The following DAAM1 variants were observed in gnomAD, a reference collection of about 807,000 sequenced individuals.
The protein encoded by DAAM1 is disheveled-associated activator of morphogenesis 1.
DAAM1 carries 52 observed loss-of-function variants against 130.0 expected under a neutral mutation model. The ratio of observed to expected loss-of-function variants is 0.40; its 90% CI spans 0.32 to 0.50. The LOEUF (loss-of-function observed/expected upper bound fraction) is 0.50. Ranked by LOEUF, DAAM1 falls within the 20% of genes least tolerant of loss-of-function variation. The pLI is 0.61. For synonymous variants in DAAM1, 452 were observed against 444.5 expected, an observed-to-expected ratio of 1.02 and a Z score of -0.21; for missense variants, 1,134 against 1,303.8, an observed-to-expected ratio of 0.87 and a Z score of 2.01.
chr14:59,223,256 G>A (rs1398999689), intron 1 of DAAM1, among the ~76,000 whole-genome samples: 1 of 152,220 alleles, frequency 6.6e-6, no homozygotes, highest in Non-Finnish European at 1.5e-5. Flanking sequence ...TGATGATGGA[G>A]TGCTGCTGTG....
intron 1 of DAAM1, among the ~76,000 whole-genome samples, chr14:59,261,208 A>G (rs923855520): frequency 6.6e-6 from 1 of 152,056 alleles, no homozygotes; most frequent in African/African-American, 2.4e-5. Context: ...TGTTTTCCAT[A>G]TTCTGTCAAA....
At chr14:59,303,311 T>G (rs567090102) in intron 3 of DAAM1, among the ~76,000 whole-genome samples, 1 of 152,172 alleles carries the variant, frequency 6.6e-6, no homozygotes, top group African/African-American at 2.4e-5. Flanking sequence ...TCTGAGTAAA[T>G]AGTCTCTGAT....
chr14:59,277,870 C>T (rs1204694458), intron 2 of DAAM1, among the ~76,000 whole-genome samples: 1 of 152,140 alleles, frequency 6.6e-6, no homozygotes, highest in African/African-American at 2.4e-5. Flanking sequence ...CACAGATGAT[C>T]TGGTACAGTA....
intron 3 of DAAM1, among the ~76,000 whole-genome samples, chr14:59,303,430 A>G (rs768144855): frequency 3.9e-5 from 6 of 152,164 alleles, no homozygotes; most frequent in Non-Finnish European, 2.9e-5. Context: ...AGTGATGCAT[A>G]CCTTTTGTTA....
chr14:59,351,749 G>GT (rs201275930), intron 17 of DAAM1, among the ~76,000 whole-genome samples: 2 of 144,302 alleles, frequency 1.4e-5, no homozygotes, highest in Non-Finnish European at 3.0e-5. Context: ...GAAGGTCAAT[G>GT]TTTTAAAAAA....
At chr14:59,198,879 A>G (rs141053896) in intron 1 of DAAM1, among the ~76,000 whole-genome samples, 1 of 152,138 alleles carries the variant, frequency 6.6e-6, no homozygotes, top group East Asian at 1.9e-4. Context: ...AACTTTCCGG[A>G]CCTCTCTTTC....
At chr14:59,288,656 G>T (rs921283996) in intron 2 of DAAM1, among the ~76,000 whole-genome samples, 1 of 152,138 alleles carries the variant, frequency 6.6e-6, no homozygotes, top group Non-Finnish European at 1.5e-5. Flanking sequence ...GCTAATCACT[G>T]TACTACTCTG....
intron 1 of DAAM1, among the ~76,000 whole-genome samples, chr14:59,236,092 T>A (rs1353169190): frequency 6.6e-6 from 1 of 152,218 alleles, no homozygotes; most frequent in African/African-American, 2.4e-5. Flanking sequence ...CAACCCACTT[T>A]ATTTACTTAT....
intron 13 of DAAM1, among the ~76,000 whole-genome samples, chr14:59,330,961 A>G (rs1218061023): frequency 6.6e-6 from 1 of 152,170 alleles, no homozygotes; most frequent in East Asian, 1.9e-4. Context: ...ACTGTCTGTG[A>G]TGGTGCAAGA....
At chr14:59,285,197 T>C (rs1883388104) in intron 2 of DAAM1, among the ~76,000 whole-genome samples, 1 of 152,106 alleles carries the variant, frequency 6.6e-6, no homozygotes, top group Non-Finnish European at 1.5e-5. Context: ...GAATTTCATA[T>C]CCTGCGAAAC....
intron 1 of DAAM1, among the ~76,000 whole-genome samples, chr14:59,231,016 A>G (rs1566659412): frequency 6.6e-6 from 1 of 152,192 alleles, no homozygotes; most frequent in Non-Finnish European, 1.5e-5. Flanking sequence ...AAAATTATGT[A>G]GACACTAAGA....
At position 59,359,281 on chromosome 14, in the gene DAAM1, G is replaced by T. The variant is rs1240041955; in HGVS notation, c.2526-116G>T. The T allele has an allele frequency of 6.4e-6, 5 of 778,524 alleles. No homozygotes were observed. The South Asian group carries it at 8.5e-5, about 13-fold the overall frequency. 48.2% of individuals were successfully genotyped at this position (778,524 alleles called of 1,614,324 possible). A position where few individuals can be genotyped will look rare whatever the true frequency, so the allele number is the denominator to read the frequency against. On this transcript the variant is annotated intron_variant, in intron 20 of 24. Transcript: ENST00000360909. ...TTAATGCAGGTAATATAGCATTATT[G>T]TGGGTTCTACCATTTGAGCATATAA... is the stretch of plus-strand genomic sequence containing the variant.
At chr14:59,354,295 C>T (rs998949317) in intron 19 of DAAM1, among the ~76,000 whole-genome samples, 2 of 152,110 alleles carry the variant, frequency 1.3e-5, no homozygotes, top group Non-Finnish European at 2.9e-5. Context: ...CTCCTGACCT[C>T]GTGATCTGCC....
intron 1 of DAAM1, among the ~76,000 whole-genome samples, chr14:59,215,844 A>G (rs1395687739): frequency 1.3e-5 from 2 of 152,208 alleles, no homozygotes; most frequent in Non-Finnish European, 1.5e-5. Flanking sequence ...TTTGGGTCAT[A>G]TATTGACAGT....
intron 23 of DAAM1, 140 bp downstream of exon 23, chr14:59,363,922 A>T (rs559532310): frequency 8.1e-7 from 1 of 1,242,154 alleles, no homozygotes; most frequent in African/African-American, 1.5e-5. Context: ...GTAGATAATT[A>T]CTTTCCAGAT....
At chr14:59,249,685 A>G (rs1566667529) in intron 1 of DAAM1, among the ~76,000 whole-genome samples, 1 of 152,178 alleles carries the variant, frequency 6.6e-6, no homozygotes, top group Non-Finnish European at 1.5e-5. Context: ...ACCATTTTTC[A>G]TTTTATTCCA....
chr14:59,306,570 T>G (rs1322809286), intron 3 of DAAM1, among the ~76,000 whole-genome samples: 2 of 152,164 alleles, frequency 1.3e-5, no homozygotes, highest in Non-Finnish European at 2.9e-5. Flanking sequence ...TTTGGGAGAT[T>G]TAGTAGACTG....
chr14:59,188,919 A>G (rs966517399), intron 1 of DAAM1, among the ~76,000 whole-genome samples, 151 bp downstream of exon 1: 5 of 151,902 alleles, frequency 3.3e-5, no homozygotes, highest in African/African-American at 1.2e-4. Flanking sequence ...CAGTAGGTAA[A>G]TATTAAACCC....
intron 1 of DAAM1, among the ~76,000 whole-genome samples, chr14:59,225,405 G>A (rs894950986): frequency 6.6e-6 from 1 of 152,196 alleles, no homozygotes; most frequent in Non-Finnish European, 1.5e-5. Flanking sequence ...CTATGAATCT[G>A]TTGTTGATAG....
Sources: gnomAD v4.1 joint callset for allele counts (sites outside exome capture counted in the v4.1 genomes callset) on GRCh38, gnomAD v4.1.1 for gene constraint, MANE v1.5 for transcripts, NCBI Gene and HGNC (gene_info 2026-07-23, HGNC 2026-07-21) for gene names.